The following CPE variants were observed in gnomAD, a reference collection of about 807,000 sequenced individuals.
CPE encodes carboxypeptidase E, also known as carbocypeptidase E.
CPE carries 17 observed loss-of-function variants against 53.5 expected under a neutral mutation model. The ratio of observed to expected loss-of-function variants is 0.32; its 90% CI spans 0.22 to 0.48. The LOEUF (loss-of-function observed/expected upper bound fraction) is 0.48, where lower values mean the gene tolerates loss of function less well. CPE is among the 20% of genes least tolerant of loss of function. The pLI, the probability that CPE is intolerant of heterozygous loss-of-function variation, is 0.99. For missense variants in CPE, 524 were observed against 614.7 expected (o/e 0.85, Z 1.56); for synonymous variants, 226 against 228.8 (o/e 0.99, Z 0.11).
chr4:165,479,496 A>G (rs1234820099), intron 3 of CPE, among the ~76,000 whole-genome samples: 2 of 152,230 alleles, frequency 1.3e-5, no homozygotes, highest in Non-Finnish European at 2.9e-5. Flanking sequence ...AGACACTAGC[A>G]CATAGTGGTC....
intron 3 of CPE, among the ~76,000 whole-genome samples, chr4:165,477,022 G>A (rs111410353): frequency 6.6e-6 from 1 of 152,234 alleles, no homozygotes; most frequent in Non-Finnish European, 1.5e-5. Flanking sequence ...CCCATTGCTT[G>A]CATTGACTTG....
At chr4:165,426,752 A>G (rs1731326202) in intron 1 of CPE, among the ~76,000 whole-genome samples, 1 of 152,248 alleles carries the variant, frequency 6.6e-6, no homozygotes, top group Admixed American at 6.5e-5. Flanking sequence ...ACCCTTTGTT[A>G]CAATCTCACC....
At chr4:165,419,488 G>A (rs529845261) in intron 1 of CPE, among the ~76,000 whole-genome samples, 32 of 152,110 alleles carry the variant, frequency 2.1e-4, no homozygotes, top group Non-Finnish European at 4.0e-4. Flanking sequence ...GGTACTTTAT[G>A]TAAGTCATTT....
intron 7 of CPE, among the ~76,000 whole-genome samples, chr4:165,494,606 A>G (rs1321326638): frequency 1.3e-5 from 2 of 152,172 alleles, no homozygotes; most frequent in Non-Finnish European, 2.9e-5. Context: ...AAATCTGTTC[A>G]ATGGAGTGAA....
chr4:165,408,656 G>T (rs1730989853), intron 1 of CPE, among the ~76,000 whole-genome samples: 2 of 152,230 alleles, frequency 1.3e-5, no homozygotes, highest in Non-Finnish European at 2.9e-5. Context: ...AACACTGGTT[G>T]CTGGGGTCCC....
At chr4:165,439,781 T>C (rs1293132977) in intron 1 of CPE, among the ~76,000 whole-genome samples, 1 of 152,114 alleles carries the variant, frequency 6.6e-6, no homozygotes, top group Non-Finnish European at 1.5e-5. Context: ...GGCAGCAGAC[T>C]GATTGGAAGA....
chr4:165,459,367 G>A (rs1222419499), intron 1 of CPE, among the ~76,000 whole-genome samples: 1 of 152,128 alleles, frequency 6.6e-6, no homozygotes, highest in Admixed American at 6.6e-5. Context: ...TGATACGGAT[G>A]GAAAAAGATA....
intron 1 of CPE, among the ~76,000 whole-genome samples, chr4:165,383,487 A>G (rs1272284775): frequency 1.3e-5 from 2 of 152,228 alleles, no homozygotes; most frequent in East Asian, 1.9e-4. Context: ...TGCTTAAAAC[A>G]CTATTTCTTT....
At chr4:165,400,042 A>G (rs1730841575) in intron 1 of CPE, among the ~76,000 whole-genome samples, 1 of 152,208 alleles carries the variant, frequency 6.6e-6, no homozygotes. Flanking sequence ...CATATCATGA[A>G]TATCCTTAAA....
At chr4:165,424,608 AC>A (rs1423700074) in intron 1 of CPE, among the ~76,000 whole-genome samples, 2 of 152,042 alleles carry the variant, frequency 1.3e-5, no homozygotes, top group South Asian at 2.1e-4. Context: ...ATCTCGGCTC[AC>A]TGCAAGCTCC....
chr4:165,442,028 T>TTTTTTTTTG (rs1560883429), intron 1 of CPE, among the ~76,000 whole-genome samples: 2 of 100,072 alleles, frequency 2.0e-5, no homozygotes, highest in African/African-American at 9.8e-5. Flanking sequence ...AGTTTGTTTT[T>TTTTTTTTTG]TTTTTTTGTT....
chr4:165,433,612 G>T (rs1374420065), intron 1 of CPE, among the ~76,000 whole-genome samples: 1 of 152,138 alleles, frequency 6.6e-6, no homozygotes, highest in African/African-American at 2.4e-5. Flanking sequence ...ACTACTCAAT[G>T]CTGCCATTTA....
In CPE at chr4:165,453,455, GCTCACTGCAGT is replaced by G. The variant is rs965385593; in HGVS notation, c.308-10930_308-10920del. 2.0e-5 allele frequency among the ~76,000 whole-genome samples: 3 copies of G among 150,178 alleles called. 1 individual carries two copies. ...GGCTGAGTGCAGTAGCATGATCATG[GCTCACTGCAGT>G]CTCAACCTCCCAGGCTCAGGTGATC... On this transcript the variant is annotated intron_variant, in intron 1 of 8. Coordinates refer to ENST00000402744, the MANE Select transcript of CPE (RefSeq NM_001873.4).
rs564074342 is a variant in CPE, at chr4:165,405,603, T to C, written c.307+26075T>C. ...AATCCCTTGTCTCTCTTTGGAGAGA[T>C]CTTCTTATCAGCTAGTCCTTTGGGA... On this transcript the variant is annotated intron_variant, in intron 1 of 8. Coordinates refer to ENST00000402744, the MANE Select transcript of CPE (RefSeq NM_001873.4). 21 of 792,840 alleles carry C rather than the reference T, an allele frequency of 2.6e-5. 1 individual carries two copies. Among genetic ancestry groups the C allele is most frequent in the South Asian group, 2.1e-4 (16 of 74,890 alleles). The allele number at this position is 792,840 out of a possible 1,614,324, so 49.1% of individuals were successfully genotyped here.
intron 1 of CPE, among the ~76,000 whole-genome samples, chr4:165,434,029 C>G (rs1325953808): frequency 6.6e-5 from 10 of 152,178 alleles, no homozygotes; most frequent in Non-Finnish European, 1.5e-4. Flanking sequence ...CCTGCTCAAC[C>G]TTCTGTCTTT....
At chr4:165,381,150 A>G in intron 1 of CPE, 2 of 398,410 alleles carry the variant, frequency 5.0e-6, no homozygotes, top group South Asian at 1.8e-5. Context: ...TGTTGTTTCA[A>G]ATTTGGAAAT....
intron 1 of CPE, among the ~76,000 whole-genome samples, chr4:165,398,198 TTATTA>T (rs1730804038): frequency 6.6e-6 from 1 of 151,518 alleles, no homozygotes; most frequent in Non-Finnish European, 1.5e-5. Flanking sequence ...TAAACTTATT[TTATTA>T]ATTGCTTATT....
Position 165,388,298 on chromosome 4 carries a change from T to C in CPE, c.307+8770T>C, listed in dbSNP as rs1316884656. Among the ~76,000 whole-genome samples the C allele has an allele frequency of 2.6e-5, 4 of 152,208 alleles. No individual in the cohort carries two copies. In the East Asian group the frequency reaches 7.7e-4, roughly 29 times the overall value. On this transcript the variant is annotated intron_variant, in intron 1 of 8. Transcript: ENST00000402744. The stretch of plus-strand genomic sequence containing the variant: ...CTTGAATACCCTTTTTCCTTTTCTT[T>C]TTTTAGCCAAGTGGTAATTTCTAAA...
At chr4:165,407,599 G>A (rs957745989) in intron 1 of CPE, among the ~76,000 whole-genome samples, 7 of 151,428 alleles carry the variant, frequency 4.6e-5, no homozygotes, top group East Asian at 3.9e-4. Context: ...CCAGGCTGGC[G>A]TGCAGTGGTG....
Sources: gnomAD v4.1 joint callset for allele counts (sites outside exome capture counted in the v4.1 genomes callset) on GRCh38, gnomAD v4.1.1 for gene constraint, MANE v1.5 for transcripts, NCBI Gene and HGNC (gene_info 2026-07-23, HGNC 2026-07-21) for gene names.